Variants in LOXHD1 observed in about 807,000 individuals in gnomAD.
LOXHD1 encodes the protein lipoxygenase homology PLAT domains 1, also known as lipoxygenase homology domain-containing protein 1.
Under a neutral mutation model 248.2 loss-of-function variants are expected in LOXHD1, and 205 were observed. The observed-to-expected ratio is 0.83, with a 90% confidence interval of 0.74 to 0.93. The LOEUF is 0.93. Ranked by LOEUF, LOXHD1 falls within the 40% of genes least tolerant of loss-of-function variation. The pLI is 0.00. For synonymous variants in LOXHD1, 1,113 were observed against 1,162.8 expected (o/e 0.96, Z 0.87); for missense variants, 2,930 against 2,971.6 (o/e 0.99, Z 0.33).
At position 46,518,268 on chromosome 18, in the gene LOXHD1, G is replaced by C; in HGVS notation, c.5272-12C>G. The C allele has an allele frequency of 6.5e-7, 1 of 1,550,138 alleles. No individual in the cohort carries two copies. Among genetic ancestry groups the C allele is most frequent in the Non-Finnish European group, 8.7e-7 (1 of 1,145,656 alleles). ...ATTTCATAGAGAACCTGCCATGAGA[G>C]GAATGCAGGTGCTGAGTCTCAGCCT... On this transcript the variant is annotated splice_polypyrimidine_tract_variant and intron_variant, in intron 33 of 40. Coordinates refer to ENST00000642948, the MANE Select transcript of LOXHD1 (RefSeq NM_001384474.1).
chr18:46,621,342 C>T (rs1055506589), intron 4 of LOXHD1, among the ~76,000 whole-genome samples: 4 of 152,164 alleles, frequency 2.6e-5, no homozygotes, highest in Non-Finnish European at 5.9e-5. Context: ...ACTCTTTTAC[C>T]TCCTTTATTT....
In LOXHD1 at chr18:46,542,803, G is replaced by A. The variant is rs876657495; in HGVS notation, c.3672C>T (p.Asp1224=). Residue 1224 remains aspartate (D), a synonymous_variant, in exon 24 of 41, where the codon GAC becomes GAT. Transcript: ENST00000642948. ...TCTCCACCGTGAAGATTTCAATGCTGTCCCTCTCAAACTTATCGCTGTTTG... is the reference window on the plus strand; with the variant it reads ...TCTCCACCGTGAAGATTTCAATGCTATCCCTCTCAAACTTATCGCTGTTTG... ...SKTNSDKFER[D]SIEIFTVETL... 2.6e-6 allele frequency: 4 copies of A among 1,551,602 alleles called. No homozygotes were observed. The African/African-American group carries it at 4.1e-5, about 16-fold the overall frequency.
chr18:46,656,610 T>A (rs1462060202), intron 1 of LOXHD1, among the ~76,000 whole-genome samples: 3 of 152,162 alleles, frequency 2.0e-5, no homozygotes, highest in Non-Finnish European at 4.4e-5. Flanking sequence ...TTTGGGGATG[T>A]TCAGGAGCTG....
In LOXHD1 at chr18:46,480,052, T is replaced by C. The variant is rs371353337; in HGVS notation, c.6342-2100A>G. On this transcript the variant is annotated intron_variant, in intron 40 of 40. Coordinates refer to ENST00000642948, the MANE Select transcript of LOXHD1 (RefSeq NM_001384474.1). ...CAATTTATCACTTGATAAATTTGGA[T>C]TGTTGTTACATACTACAATTTCTTA... Among the ~76,000 whole-genome samples the C allele has an allele frequency of 4.6e-5, 7 of 152,330 alleles. No individual in the cohort carries two copies. The East Asian group carries it at 1.3e-3, about 29-fold the overall frequency.
intron 37 of LOXHD1, among the ~76,000 whole-genome samples, chr18:46,495,967 G>A (rs574399387): frequency 6.6e-6 from 1 of 152,256 alleles, no homozygotes; most frequent in South Asian, 2.1e-4. Flanking sequence ...GGGAGGCGGA[G>A]GTTGCAGTGA....
At chr18:46,523,154 T>C (rs2144147853) in intron 31 of LOXHD1, among the ~76,000 whole-genome samples, 1 of 152,106 alleles carries the variant, frequency 6.6e-6, no homozygotes, top group African/African-American at 2.4e-5. Context: ...TCCATGTTGG[T>C]CAGGCTGGTC....
At position 46,593,573 on chromosome 18, in the gene LOXHD1, C is replaced by T. The variant is rs765761707; in HGVS notation, c.1431+27G>A. On this transcript the variant is annotated intron_variant, in intron 10 of 40. Coordinates refer to ENST00000642948, the MANE Select transcript of LOXHD1 (RefSeq NM_001384474.1). ...CCCTACATCCCTTCCTCCTTTCTCC[C>T]TCCCATCCATCACAATCCTCTCCTA... The T allele has an allele frequency of 1.2e-5, 19 of 1,550,424 alleles. No individual in the cohort carries two copies. In the South Asian group the frequency reaches 2.3e-4, roughly 18 times the overall value.
chr18:46,502,449 G>T (rs566023559), intron 37 of LOXHD1, among the ~76,000 whole-genome samples: 11 of 152,254 alleles, frequency 7.2e-5, no homozygotes, highest in African/African-American at 2.6e-4. Flanking sequence ...TCTTGGATCC[G>T]CAACTCTCTA....
chr18:46,637,521 A>C (rs2038907858), intron 4 of LOXHD1, among the ~76,000 whole-genome samples: 1 of 152,206 alleles, frequency 6.6e-6, no homozygotes, highest in South Asian at 2.1e-4. Flanking sequence ...ATAAAGAATT[A>C]AAGATGCTTA....
rs114723274 is a variant in LOXHD1 at position 46,535,126 on chromosome 18, G to C, written c.4096-675C>G. Among the ~76,000 whole-genome samples, 972 of 152,018 alleles carry C rather than the reference G, an allele frequency of 6.4e-3. 16 individuals are homozygous for C. Among genetic ancestry groups the C allele is most frequent in the African/African-American group, 0.023 (934 of 41,458 alleles). On this transcript the variant is annotated intron_variant, in intron 26 of 40. Coordinates refer to ENST00000642948, the MANE Select transcript of LOXHD1 (RefSeq NM_001384474.1). The stretch of plus-strand genomic sequence containing the variant: ...TGTTGCATAGTGGAGCCCCTCCTTG[G>C]AGTACTTCTCATAGTTGTAAGTTTT...
In LOXHD1 at chr18:46,538,228, C is replaced by T. The variant is rs891539896; in HGVS notation, c.4023G>A (p.Lys1341=). The change falls in exon 26 of 41, where the codon AAG becomes AAA. Residue 1341 remains lysine (K), a synonymous_variant. Transcript: ENST00000642948. ...GTTCCCTCTTGTTGGTACACAGATA[C>T]TTCTGCTGGGTGCACACGGCATCGC... ...YGCDAVCTQQ[K]YLCTNKREQK... The T allele has an allele frequency of 1.9e-6, 3 of 1,550,414 alleles. No homozygotes were observed. The highest frequency in any genetic ancestry group is 4.9e-5 in the East Asian group (2 of 40,874).
Position 46,538,313 on chromosome 18 carries a change from T to C in LOXHD1, c.3938A>G (p.Tyr1313Cys), listed in dbSNP as rs1479604077. Residue 1313 changes from tyrosine (Y) to cysteine (C), a missense_variant, in exon 26 of 41, where the codon TAC becomes TGC. By Grantham distance (194) the Tyr-to-Cys change is radical (BLOSUM62 -2). Transcript: ENST00000642948. ...CCCAGCAGCAAAGACATCACTGGTGTAGAGGGTGATCTCGTAAGGAACAAC... is the reference window on the plus strand; with the variant it reads ...CCCAGCAGCAAAGACATCACTGGTGCAGAGGGTGATCTCGTAAGGAACAAC... ...TPFVPYEITL[Y>C]TSDVFAAGTD... 6.4e-7 allele frequency: 1 copy of C among 1,550,666 alleles called. No homozygotes were observed. Among genetic ancestry groups the C allele is most frequent in the Non-Finnish European group, 8.7e-7 (1 of 1,146,082 alleles).
chr18:46,481,698 C>T (rs2032583329), intron 40 of LOXHD1, among the ~76,000 whole-genome samples: 1 of 152,186 alleles, frequency 6.6e-6, no homozygotes, highest in South Asian at 2.1e-4. Flanking sequence ...CTGGTGACAA[C>T]AAAAGACAGG....
intron 26 of LOXHD1, among the ~76,000 whole-genome samples, chr18:46,535,851 G>A (rs534583646): frequency 1.4e-4 from 21 of 152,282 alleles, no homozygotes; most frequent in African/African-American, 5.1e-4. Context: ...CATTACAGGC[G>A]TGAGCCACCG....
chr18:46,649,213 C>T lies in LOXHD1; in HGVS notation c.187G>A (p.Val63Ile), dbSNP rs2039075566. 6.4e-7 allele frequency: 1 copy of T among 1,551,822 alleles called. No individual in the cohort carries two copies. The highest frequency in any genetic ancestry group is 8.7e-7 in the Non-Finnish European group (1 of 1,147,016). ...DVRGAGTDANVFITLFGENGL... is the reference protein window; with the variant it reads ...DVRGAGTDANIFITLFGENGL... ...TTCTCTCCAAAAAGCGTGATGAAGA[C>T]ATTGGCATCCGTCCCTGCACCGCGA... Residue 63 changes from valine to isoleucine, a missense_variant, in exon 2 of 41, where the codon GTC becomes ATC. Transcript: ENST00000642948.
intron 4 of LOXHD1, among the ~76,000 whole-genome samples, chr18:46,631,434 G>A (rs1419137262): frequency 6.6e-6 from 1 of 152,128 alleles, no homozygotes; most frequent in African/African-American, 2.4e-5. Flanking sequence ...ACATATCCCT[G>A]ATTGCAGAAT....
chr18:46,505,910 C>T lies in LOXHD1; in HGVS notation c.5806G>A (p.Asp1936Asn). ...AGCATGTCAGGGAAGTTGAATGTGT[C>T]CGTGTTGTTCCGCTCAAACTTGTTC... is the stretch of plus-strand genomic sequence containing the variant. ...NWNKFERNNT[D>N]TFNFPDMLSL... Residue 1936 changes from aspartate to asparagine, a missense_variant, in exon 37 of 41, where the codon GAC (aspartate) becomes AAC (asparagine). Transcript: ENST00000642948. The T allele has an allele frequency of 1.3e-6, 2 of 1,551,914 alleles. No homozygotes were observed. Among genetic ancestry groups the T allele is most frequent in the African/African-American group, 1.4e-5 (1 of 73,146 alleles).
At chr18:46,558,006 G>A in intron 20 of LOXHD1, 2 of 997,750 alleles carry the variant, frequency 2.0e-6, no homozygotes, top group African/African-American at 3.4e-5. Context: ...CACACCATGT[G>A]AATGCACACA....
chr18:46,503,113 C>G (rs1023411506), intron 37 of LOXHD1, among the ~76,000 whole-genome samples: 4 of 152,188 alleles, frequency 2.6e-5, no homozygotes, highest in Admixed American at 2.0e-4. Context: ...ATGAATAAGG[C>G]ATGATTCCTA....
Sources: gnomAD v4.1 joint callset for allele counts (sites outside exome capture counted in the v4.1 genomes callset) on GRCh38, gnomAD v4.1.1 for gene constraint, MANE v1.5 for transcripts, NCBI Gene and HGNC (gene_info 2026-07-23, HGNC 2026-07-21) for gene names.